Variants in NLGN1 observed in about 807,000 individuals in gnomAD.
The protein encoded by NLGN1 is neuroligin-1.
NLGN1 carries 12 observed loss-of-function variants against 65.5 expected under a neutral mutation model. The ratio of observed to expected loss-of-function variants is 0.18; its 90% confidence interval spans 0.12 to 0.30. NLGN1 has a LOEUF of 0.30. Among genes scored for constraint, NLGN1 ranks in the 10% least tolerant of loss-of-function variants. The pLI, the probability that NLGN1 is intolerant of heterozygous loss-of-function variation, is 1.00. For missense variants in NLGN1, 750 were observed against 1,007.1 expected, an observed-to-expected ratio of 0.74 and a Z score of 3.46; for synonymous variants, 350 against 359.5, an observed-to-expected ratio of 0.97 and a Z score of 0.30.
chr3:173,483,321 T>A (rs1203753002), intron 2 of NLGN1, among the ~76,000 whole-genome samples: 1 of 152,034 alleles, frequency 6.6e-6, no homozygotes, highest in East Asian at 1.9e-4. Flanking sequence ...AACATGTAAA[T>A]TAGCCTTTCT....
chr3:173,872,305 T>C (rs1021302), intron 4 of NLGN1, among the ~76,000 whole-genome samples: 129,290 of 152,184 alleles, frequency 0.85, 55,533 homozygotes, highest in Non-Finnish European at 0.9. Context: ...GCGTCCCCAG[T>C]GTGGGCCTAT....
chr3:173,611,520 A>G (rs1475298309), intron 3 of NLGN1, among the ~76,000 whole-genome samples: 2 of 152,068 alleles, frequency 1.3e-5, no homozygotes, highest in East Asian at 1.9e-4. Flanking sequence ...CACTGAAATA[A>G]TTAAAACGCC....
At chr3:173,748,433 A>G (rs1262543500) in intron 3 of NLGN1, among the ~76,000 whole-genome samples, 1 of 152,102 alleles carries the variant, frequency 6.6e-6, no homozygotes, top group Admixed American at 6.6e-5. Context: ...AAATGTTGTA[A>G]TGGGAAAGGT....
intron 2 of NLGN1, among the ~76,000 whole-genome samples, chr3:173,496,039 T>A (rs1729972943): frequency 6.6e-6 from 1 of 151,836 alleles, no homozygotes; most frequent in East Asian, 1.9e-4. Flanking sequence ...CTATCTATGC[T>A]TGTTCTCATC....
intron 4 of NLGN1, among the ~76,000 whole-genome samples, chr3:174,135,250 G>A (rs915244905): frequency 6.6e-6 from 1 of 152,054 alleles, no homozygotes; most frequent in African/African-American, 2.4e-5. Context: ...AAAATACTGA[G>A]CAAACTGATA....
At chr3:173,674,948 T>C (rs1762921763) in intron 3 of NLGN1, among the ~76,000 whole-genome samples, 1 of 152,068 alleles carries the variant, frequency 6.6e-6, no homozygotes, top group Admixed American at 6.6e-5. Flanking sequence ...TTTTTCATGT[T>C]TCTGTATGAT....
intron 4 of NLGN1, among the ~76,000 whole-genome samples, chr3:173,892,458 G>C (rs1456614289): frequency 6.6e-6 from 1 of 151,612 alleles, no homozygotes; most frequent in African/African-American, 2.4e-5. Context: ...AGCCCTGTAA[G>C]GTAAGGATCA....
intron 4 of NLGN1, among the ~76,000 whole-genome samples, chr3:173,953,276 T>C (rs1214974946): frequency 2.6e-5 from 4 of 152,338 alleles, no homozygotes; most frequent in Non-Finnish European, 5.9e-5. Flanking sequence ...ATCTAATTCT[T>C]ACCAAATCTT....
intron 4 of NLGN1, among the ~76,000 whole-genome samples, chr3:174,259,450 T>A (rs2152855659): frequency 6.6e-6 from 1 of 152,044 alleles, no homozygotes; most frequent in Admixed American, 6.6e-5. Flanking sequence ...TTTTCTACTC[T>A]CTTTTTTCGA....
chr3:173,678,067 T>G (rs920190974), intron 3 of NLGN1, among the ~76,000 whole-genome samples: 3 of 152,144 alleles, frequency 2.0e-5, no homozygotes. Flanking sequence ...TATCTTGCTG[T>G]ATATGGAAGC....
At chr3:173,428,152 A>G (rs1172856116) in intron 1 of NLGN1, among the ~76,000 whole-genome samples, 1 of 151,634 alleles carries the variant, frequency 6.6e-6, no homozygotes, top group African/African-American at 2.4e-5. Flanking sequence ...TTCCATTTGT[A>G]TGGAATCTTT....
intron 4 of NLGN1, among the ~76,000 whole-genome samples, chr3:174,031,648 T>C (rs1177174020): frequency 6.6e-6 from 1 of 152,022 alleles, no homozygotes; most frequent in African/African-American, 2.4e-5. Context: ...AATCAATCAA[T>C]AAAAAATTTT....
intron 4 of NLGN1, among the ~76,000 whole-genome samples, chr3:173,879,518 G>A (rs1234487169): frequency 1.3e-5 from 2 of 152,100 alleles, no homozygotes; most frequent in Admixed American, 6.5e-5. Context: ...TCACATCCTT[G>A]AGCATAGTTA....
chr3:173,986,264 T>C (rs2152402784), intron 4 of NLGN1, among the ~76,000 whole-genome samples: 1 of 152,028 alleles, frequency 6.6e-6, no homozygotes, highest in South Asian at 2.1e-4. Flanking sequence ...GTCAGGAGTT[T>C]GAGACAAGGC....
At chr3:174,050,020 T>C (rs1182457834) in intron 4 of NLGN1, among the ~76,000 whole-genome samples, 3 of 152,024 alleles carry the variant, frequency 2.0e-5, no homozygotes, top group Non-Finnish European at 4.4e-5. Flanking sequence ...TTCAATATTA[T>C]AAAGTAATAA....
intron 4 of NLGN1, among the ~76,000 whole-genome samples, chr3:173,990,789 A>G (rs1720928244): frequency 6.6e-6 from 1 of 152,192 alleles, no homozygotes; most frequent in African/African-American, 2.4e-5. Context: ...CTAATGAAAG[A>G]TATTAATTCT....
intron 4 of NLGN1, among the ~76,000 whole-genome samples, chr3:174,258,638 T>C (rs573425136): frequency 9.2e-5 from 14 of 152,150 alleles, no homozygotes; most frequent in Non-Finnish European, 2.1e-4. Flanking sequence ...CACTAATCTT[T>C]TACCAGAAAT....
chr3:173,828,401 C>T (rs562242050), intron 4 of NLGN1, among the ~76,000 whole-genome samples: 1 of 152,074 alleles, frequency 6.6e-6, no homozygotes, highest in Non-Finnish European at 1.5e-5. Flanking sequence ...ATGATAAAGG[C>T]AGATAAGTGG....
At chr3:173,851,901 T>C (rs944744684) in intron 4 of NLGN1, among the ~76,000 whole-genome samples, 1 of 152,176 alleles carries the variant, frequency 6.6e-6, no homozygotes, top group Non-Finnish European at 1.5e-5. Context: ...TATAAAACAT[T>C]TAAAATGTTG....
Sources: allele counts gnomAD v4.1 joint callset (sites outside exome capture counted in the v4.1 genomes callset), GRCh38; gene constraint gnomAD v4.1.1; transcripts MANE v1.5; gene names NCBI Gene and HGNC (gene_info 2026-07-23, HGNC 2026-07-21).